GTPBP1: variants seen among roughly 807,000 people sequenced by gnomAD.
GTPBP1 encodes the protein GTP binding protein 1, also known as GTP-binding protein 1.
GTPBP1 carries 23 observed loss-of-function variants against 62.0 expected under a neutral mutation model. The observed-to-expected ratio is 0.37, with a 90% CI of 0.27 to 0.53. GTPBP1 has a LOEUF of 0.53. Ranked by LOEUF, GTPBP1 falls within the 20% of genes least tolerant of loss-of-function variation. The pLI is 0.89. For synonymous variants in GTPBP1, 344 were observed against 364.4 expected (o/e 0.94, Z 0.64); for missense variants, 640 against 917.3 (o/e 0.70, Z 3.90).
At chr22:38,739,752 C>A (rs746147670), downstream of GTPBP1, 1 of 1,613,732 alleles carries the variant, frequency 6.2e-7, no homozygotes, top group East Asian at 2.2e-5. The surrounding 1 kb of genome is among the most constrained non-coding windows in gnomAD (Gnocchi z 6.7). Flanking sequence ...CACCTTCTTT[C>A]TGCAGCGTCA....
rs773219173 is a variant in GTPBP1 at position 38,728,177 on chromosome 22, A to C, written c.1716+16A>C. On this transcript the variant is annotated intron_variant, in intron 10 of 11. Transcript: ENST00000216044. ...CATCACCAAGGTATGGCCAGGACAG[A>C]CCTTGCCTGCCTCCAGGAAGCACCA... The C allele has an allele frequency of 2.0e-5, 32 of 1,591,394 alleles. No homozygotes were observed. Among genetic ancestry groups the C allele is most frequent in the Middle Eastern group, 1.7e-4 (1 of 5,810 alleles).
downstream of GTPBP1, chr22:38,742,394 G>T: frequency 6.2e-7 from 1 of 1,613,320 alleles, no homozygotes; most frequent in Non-Finnish European, 8.5e-7. Context: ...GGGTGTCCTC[G>T]TGGCTCAGGC....
At position 38,721,884 on chromosome 22, in the gene GTPBP1, T is replaced by C; in HGVS notation, c.958+19T>C. 1.9e-6 allele frequency: 3 copies of C among 1,559,434 alleles called. No homozygotes were observed. Among genetic ancestry groups the C allele is most frequent in the Non-Finnish European group, 2.6e-6 (3 of 1,140,558 alleles). ...CTGCAAGGTAAGTGAAGCCTCCAGC[T>C]AGCAGCAGCCCCTCTGATTGGGGCT... is the stretch of plus-strand genomic sequence containing the variant. On this transcript the variant is annotated intron_variant, in intron 5 of 11. Coordinates refer to ENST00000216044, the MANE Select transcript of GTPBP1 (RefSeq NM_004286.5).
downstream of GTPBP1, chr22:38,740,315 C>T (rs537365600): frequency 3.6e-5 from 57 of 1,603,408 alleles, no homozygotes; most frequent in Middle Eastern, 1.8e-4. This position sits in a 1 kb window ranked among gnomAD's most constrained non-coding sequence, Gnocchi z 4.8. Flanking sequence ...CCACTTCTTC[C>T]GCCACCGAGC....
downstream of GTPBP1, chr22:38,736,147 G>T: frequency 1.0e-6 from 1 of 980,778 alleles, no homozygotes; most frequent in East Asian, 2.5e-5. Flanking sequence ...ATCTGCATGG[G>T]GCCACAGGCT....
intron 4 of GTPBP1, among the ~76,000 whole-genome samples, chr22:38,721,321 G>A (rs372482591): frequency 6.6e-6 from 1 of 152,196 alleles, no homozygotes; most frequent in African/African-American, 2.4e-5. Flanking sequence ...CAGGTGATCC[G>A]CCTGCCTTGA....
chr22:38,715,862 G>T, intron 2 of GTPBP1, 45 bp from the exon 3 acceptor site: 1 of 1,520,470 alleles, frequency 6.6e-7, no homozygotes, highest in Middle Eastern at 1.8e-4. Context: ...CAGGCTGGTT[G>T]GTCAGGACTC....
At chr22:38,725,780 A>G in intron 6 of GTPBP1, 1 of 558,486 alleles carries the variant, frequency 1.8e-6, no homozygotes, top group East Asian at 2.9e-5. Context: ...CAGGTGTCAG[A>G]GACAGAACTG....
At chr22:38,706,326 C>G (rs1466052475) in intron 1 of GTPBP1, among the ~76,000 whole-genome samples, 179 bp downstream of exon 1, 1 of 152,196 alleles carries the variant, frequency 6.6e-6, no homozygotes, top group Non-Finnish European at 1.5e-5. Context: ...CGCGAGGGGC[C>G]GTCCCCATGG....
downstream of GTPBP1, chr22:38,738,945 G>T (rs755560076): frequency 3.1e-6 from 5 of 1,613,510 alleles, no homozygotes; most frequent in East Asian, 8.9e-5. This position sits in a 1 kb window ranked among gnomAD's most constrained non-coding sequence, Gnocchi z 6.6. Flanking sequence ...GGGCCGTCTT[G>T]GTCTCGTAGG....
intron 4 of GTPBP1, among the ~76,000 whole-genome samples, chr22:38,720,212 G>A (rs751626656): frequency 1.3e-4 from 20 of 151,102 alleles, no homozygotes; most frequent in Non-Finnish European, 2.4e-4. Context: ...ACAGGTGTGA[G>A]CCACCGCGCC....
chr22:38,742,864 A>G, downstream of GTPBP1: 2 of 290,622 alleles, frequency 6.9e-6, no homozygotes, highest in Non-Finnish European at 6.5e-6. Context: ...GGGATGGTCC[A>G]GGAGGAGGAC....
At chr22:38,711,044 TAGAA>T (rs2092636306) in intron 2 of GTPBP1, among the ~76,000 whole-genome samples, 2 of 152,128 alleles carry the variant, frequency 1.3e-5, no homozygotes, top group African/African-American at 4.8e-5. Flanking sequence ...TCTTTACAAA[TAGAA>T]AGAGATCATA....
downstream of GTPBP1, chr22:38,736,073 G>GC: frequency 1.5e-6 from 1 of 652,362 alleles, no homozygotes; most frequent in Non-Finnish European, 2.8e-6. Flanking sequence ...GAAGAAGGGA[G>GC]CTGCTGGAGC....
chr22:38,742,259 G>T, downstream of GTPBP1: 1 of 1,547,978 alleles, frequency 6.5e-7, no homozygotes. Context: ...GCTTTCCTAT[G>T]GGTGTCACCC....
chr22:38,721,706 C>A, intron 4 of GTPBP1, 36 bp from the exon 5 acceptor site: 2 of 1,594,932 alleles, frequency 1.3e-6, no homozygotes, highest in African/African-American at 1.3e-5. Flanking sequence ...ATCTCTTTCT[C>A]TCTCGTCCTG....
intron 4 of GTPBP1, 52 bp downstream of exon 4, chr22:38,717,052 C>G (rs757430249): frequency 1.4e-5 from 16 of 1,126,488 alleles, no homozygotes; most frequent in Middle Eastern, 2.2e-4. Context: ...CTGCTTGGGT[C>G]TGGTTATGTG....
downstream of GTPBP1, chr22:38,734,417 CT>C (rs1198323049): frequency 1.0e-5 from 4 of 393,892 alleles, no homozygotes; most frequent in African/African-American, 2.2e-5. Flanking sequence ...ACTTTTTCTG[CT>C]GCTGTTCAGT....
chr22:38,739,181 TC>T (rs2092833197), downstream of GTPBP1: 1 of 926,810 alleles, frequency 1.1e-6, no homozygotes, highest in Non-Finnish European at 1.7e-6. The surrounding 1 kb of genome is among the most constrained non-coding windows in gnomAD (Gnocchi z 6.7). Context: ...CGTCCTGACT[TC>T]CCTGAATTGC....
Sources: gnomAD v4.1 joint callset for allele counts (sites outside exome capture counted in the v4.1 genomes callset) on GRCh38, gnomAD v4.1.1 for gene constraint, Gnocchi (gnomAD v3.1) non-coding constraint, MANE v1.5 for transcripts, NCBI Gene and HGNC (gene_info 2026-07-23, HGNC 2026-07-21) for gene names.